The following NEGR1 variants were observed in gnomAD, a reference collection of about 807,000 sequenced individuals.
NEGR1 encodes IgLON family member 4.
Under a neutral mutation model 40.9 loss-of-function variants are expected in NEGR1, and 10 were observed. The ratio of observed to expected loss-of-function variants is 0.24; its 90% CI spans 0.15 to 0.42. The LOEUF (loss-of-function observed/expected upper bound fraction) is 0.42, where lower values mean the gene tolerates loss of function less well. Among genes scored for constraint, NEGR1 ranks in the 10% least tolerant of loss-of-function variants. NEGR1 has a pLI of 1.00. For missense variants in NEGR1, 352 were observed against 438.9 expected, an observed-to-expected ratio of 0.80 and a Z score of 1.77; for synonymous variants, 185 against 166.8, an observed-to-expected ratio of 1.11 and a Z score of -0.84.
rs1647075530 is a variant in NEGR1 at position 71,511,880 on chromosome 1, C to T, written c.940+80937G>A. On this transcript the variant is annotated intron_variant, in intron 6 of 6. Transcript: ENST00000357731. ...TCTTTATGTTCAAACTTAAATTGGC[C>T]AAATTCTACATCAGAATTTTAGAAT... Among the ~76,000 whole-genome samples, 3 of 152,034 alleles carry T rather than the reference C, an allele frequency of 2.0e-5. No individual in the cohort carries two copies. The South Asian group carries it at 6.2e-4, about 32-fold the overall frequency.
At chr1:71,935,945 C>A (rs1280182494) in intron 1 of NEGR1, among the ~76,000 whole-genome samples, 1 of 152,032 alleles carries the variant, frequency 6.6e-6, no homozygotes, top group Non-Finnish European at 1.5e-5. Flanking sequence ...ATTACAAGCG[C>A]CTGCCACTGT....
chr1:71,452,146 A>T (rs1646633891), intron 6 of NEGR1, among the ~76,000 whole-genome samples: 1 of 152,152 alleles, frequency 6.6e-6, no homozygotes, highest in Non-Finnish European at 1.5e-5. Flanking sequence ...ACACACACTC[A>T]CACATATCCA....
chr1:71,597,237 C>T (rs1447386663), intron 5 of NEGR1, among the ~76,000 whole-genome samples: 8 of 151,928 alleles, frequency 5.3e-5, no homozygotes, highest in South Asian at 2.1e-4. Context: ...TATCAAATTA[C>T]GATTAAATGC....
intron 2 of NEGR1, among the ~76,000 whole-genome samples, chr1:71,910,225 T>C (rs1661388097): frequency 6.6e-6 from 1 of 152,198 alleles, no homozygotes; most frequent in Non-Finnish European, 1.5e-5. Flanking sequence ...GAATAAGGCA[T>C]CATCTAAACT....
At chr1:72,262,975 C>T (rs924282840) in intron 1 of NEGR1, among the ~76,000 whole-genome samples, 6 of 151,752 alleles carry the variant, frequency 4.0e-5, no homozygotes, top group African/African-American at 9.7e-5. Context: ...AAATTCCACA[C>T]TGTATTTCTT....
intron 1 of NEGR1, among the ~76,000 whole-genome samples, chr1:72,079,086 AATATATATAT>A (rs67575298): frequency 1.1e-4 from 15 of 142,392 alleles, no homozygotes; most frequent in African/African-American, 2.8e-4. Flanking sequence ...CATTTAACAG[AATATATATAT>A]ATATATATAT....
intron 6 of NEGR1, among the ~76,000 whole-genome samples, chr1:71,441,992 A>G (rs1307621778): frequency 6.6e-6 from 1 of 152,210 alleles, no homozygotes; most frequent in Non-Finnish European, 1.5e-5. Flanking sequence ...AAATATATCA[A>G]TTGGTAGCTG....
chr1:71,624,348 T>C (rs1314341947), intron 4 of NEGR1, among the ~76,000 whole-genome samples: 1 of 152,004 alleles, frequency 6.6e-6, no homozygotes, highest in Non-Finnish European at 1.5e-5. Flanking sequence ...TTGGTCTTCC[T>C]GGTTTTGGCT....
At chr1:71,781,359 A>T (rs1367675688) in intron 2 of NEGR1, among the ~76,000 whole-genome samples, 1 of 152,236 alleles carries the variant, frequency 6.6e-6, no homozygotes, top group African/African-American at 2.4e-5. Context: ...CAGGTCACAC[A>T]TGATATTAAA....
chr1:71,398,637 G>T lies in NEGR1; in HGVS notation c.*8809C>A, dbSNP rs945263678. 2 of 152,154 alleles carry T rather than the reference G, an allele frequency of 1.3e-5. No individual in the cohort carries two copies. The highest frequency in any genetic ancestry group is 2.9e-5 in the Non-Finnish European group (2 of 68,040). The allele number at this position is 152,154 out of a possible 1,614,324, so 9.4% of individuals were successfully genotyped here. A position where few individuals can be genotyped will look rare whatever the true frequency, so the allele number is the denominator to read the frequency against. ...GTCTCAGATGAGACTTTAGACTGTG[G>T]ACTTTTGAGATAGTGCTGAAATGAG... is the stretch of plus-strand genomic sequence containing the variant. On this transcript the variant is annotated 3_prime_UTR_variant, in exon 7 of 7. Transcript: ENST00000357731.
chr1:71,852,229 C>A (rs952852698), intron 2 of NEGR1, among the ~76,000 whole-genome samples: 1 of 152,060 alleles, frequency 6.6e-6, no homozygotes, highest in African/African-American at 2.4e-5. Flanking sequence ...GACTACATGT[C>A]ACAGGACCTC....
At chr1:71,783,381 CT>C (rs1191300519) in intron 2 of NEGR1, among the ~76,000 whole-genome samples, 4 of 152,038 alleles carry the variant, frequency 2.6e-5, no homozygotes, top group African/African-American at 4.8e-5. Context: ...TTGTTTCATG[CT>C]TTTTTCTCTA....
At chr1:71,616,023 C>T (rs527530510) in intron 4 of NEGR1, among the ~76,000 whole-genome samples, 5 of 152,192 alleles carry the variant, frequency 3.3e-5, no homozygotes, top group African/African-American at 9.7e-5. Flanking sequence ...TCCAAGTTTA[C>T]ACCATTCTGA....
intron 1 of NEGR1, among the ~76,000 whole-genome samples, chr1:72,013,002 A>G (rs1049594131): frequency 1.3e-5 from 2 of 151,786 alleles, no homozygotes; most frequent in African/African-American, 4.8e-5. Flanking sequence ...ATGGCATATA[A>G]CATTTATTTT....
At chr1:72,125,388 T>C (rs1056214992) in intron 1 of NEGR1, among the ~76,000 whole-genome samples, 1 of 152,074 alleles carries the variant, frequency 6.6e-6, no homozygotes, top group Non-Finnish European at 1.5e-5. Context: ...GAAATATTCA[T>C]AACACTCTAT....
At chr1:72,131,969 C>T (rs1309975773) in intron 1 of NEGR1, among the ~76,000 whole-genome samples, 1 of 152,030 alleles carries the variant, frequency 6.6e-6, no homozygotes, top group Admixed American at 6.6e-5. Flanking sequence ...CGTGGTAGCA[C>T]ATGCCTATAG....
intron 6 of NEGR1, among the ~76,000 whole-genome samples, chr1:71,542,508 G>C (rs1422356728): frequency 6.6e-6 from 1 of 151,712 alleles, no homozygotes; most frequent in Non-Finnish European, 1.5e-5. Flanking sequence ...TGAAATTTTA[G>C]AGGGCATTCT....
At chr1:71,856,056 C>G (rs1659750713) in intron 2 of NEGR1, among the ~76,000 whole-genome samples, 1 of 151,954 alleles carries the variant, frequency 6.6e-6, no homozygotes, top group African/African-American at 2.4e-5. Flanking sequence ...TTCCCATGAG[C>G]CCTTCTGACT....
chr1:71,777,387 C>A (rs1001822502), intron 2 of NEGR1, among the ~76,000 whole-genome samples: 3 of 152,088 alleles, frequency 2.0e-5, no homozygotes, highest in Non-Finnish European at 4.4e-5. Flanking sequence ...CTATTAAACA[C>A]ATATATGGTG....
Sources: gnomAD v4.1 joint callset for allele counts (sites outside exome capture counted in the v4.1 genomes callset) on GRCh38, gnomAD v4.1.1 for gene constraint, MANE v1.5 for transcripts, NCBI Gene and HGNC (gene_info 2026-07-23, HGNC 2026-07-21) for gene names.